RTN1: variants seen among roughly 807,000 people sequenced by gnomAD.
The protein encoded by RTN1 is reticulon 1.
A neutral mutation model predicts 65.5 loss-of-function variants in RTN1; 25 were observed. The ratio of observed to expected loss-of-function variants is 0.38; its 90% confidence interval spans 0.28 to 0.53. The LOEUF (loss-of-function observed/expected upper bound fraction) is 0.53, where lower values mean the gene tolerates loss of function less well. Among genes scored for constraint, RTN1 ranks in the 20% least tolerant of loss-of-function variants. The pLI, the probability that RTN1 is intolerant of heterozygous loss-of-function variation, is 0.79. For missense variants in RTN1, 983 were observed against 1,025.4 expected (o/e 0.96, Z 0.57); for synonymous variants, 471 against 447.6 (o/e 1.05, Z -0.66).
chr14:59,832,952 C>T (rs1449254344), intron 1 of RTN1, among the ~76,000 whole-genome samples: 1 of 152,098 alleles, frequency 6.6e-6, no homozygotes, highest in Non-Finnish European at 1.5e-5. Flanking sequence ...CTGTTTCCTC[C>T]TTGTGGAGTC....
intron 3 of RTN1, among the ~76,000 whole-genome samples, chr14:59,718,987 T>C (rs1884594743): frequency 6.6e-6 from 1 of 152,220 alleles, no homozygotes; most frequent in Non-Finnish European, 1.5e-5. Flanking sequence ...GCCATTGCCA[T>C]CTCATGCCTG....
intron 3 of RTN1, among the ~76,000 whole-genome samples, chr14:59,608,038 C>T (rs912462512): frequency 7.9e-5 from 12 of 150,998 alleles, no homozygotes; most frequent in Non-Finnish European, 1.6e-4. Context: ...TTGCATCCAC[C>T]ATTCAGTTAT....
In RTN1 at chr14:59,749,701, ATATATATCTATATATT is replaced by A. The variant is rs1478491442; in HGVS notation, c.242-3236_242-3221del. Among the ~76,000 whole-genome samples the A allele has an allele frequency of 2.6e-4, 24 of 91,192 alleles. 3 individuals are homozygous for A. Among genetic ancestry groups the A allele is most frequent in the East Asian group, 1.1e-3 (4 of 3,694 alleles). The allele number at this position is 91,192 out of a possible 152,430, so 59.8% of individuals were successfully genotyped here. ...TATCTATATATTTACATATATATCT[ATATATATCTATATATT>A]TATATATCTATATATTTATATATAT... On this transcript the variant is annotated intron_variant, in intron 1 of 8. Transcript: ENST00000267484.
At chr14:59,687,872 T>C (rs1229713877) in intron 3 of RTN1, among the ~76,000 whole-genome samples, 1 of 151,936 alleles carries the variant, frequency 6.6e-6, no homozygotes, top group African/African-American at 2.4e-5. Context: ...TGCAGAGATC[T>C]TGGTGAAGGG....
At chr14:59,780,061 T>C (rs1321899491) in intron 1 of RTN1, among the ~76,000 whole-genome samples, 1 of 152,152 alleles carries the variant, frequency 6.6e-6, no homozygotes, top group Non-Finnish European at 1.5e-5. Context: ...CTGGCCTTGA[T>C]CCCTCATTTA....
chr14:59,749,262 ATATC>A (rs1250254938), intron 1 of RTN1, among the ~76,000 whole-genome samples: 1 of 80,508 alleles, frequency 1.2e-5, no homozygotes, highest in African/African-American at 8.5e-5. Context: ...ATATCTATAT[ATATC>A]TATATATATA....
rs554504569 is a variant in RTN1 at position 59,721,915 on chromosome 14, A to G, written c.1765+5004T>C. Among the ~76,000 whole-genome samples the G allele has an allele frequency of 5.5e-4, 83 of 152,208 alleles. 1 individual carries two copies. The highest frequency in any genetic ancestry group is 3.7e-3 in the Admixed American group (57 of 15,272). ...TTCTAAATGATTTTGTTGCTCTCCAATGGATGGATGGATGAAAATTCATTT... is the reference window on the plus strand; with the variant it reads ...TTCTAAATGATTTTGTTGCTCTCCAGTGGATGGATGGATGAAAATTCATTT... On this transcript the variant is annotated intron_variant, in intron 3 of 8. Transcript: ENST00000267484.
intron 3 of RTN1, among the ~76,000 whole-genome samples, chr14:59,657,646 G>C (rs1418136353): frequency 6.6e-6 from 1 of 152,142 alleles, no homozygotes; most frequent in African/African-American, 2.4e-5. Flanking sequence ...AAGGGGTCAG[G>C]GAACTCCCTC....
intron 1 of RTN1, among the ~76,000 whole-genome samples, chr14:59,787,900 C>A (rs955406676): frequency 2.0e-5 from 3 of 152,148 alleles, no homozygotes; most frequent in South Asian, 2.1e-4. Flanking sequence ...CATACATTAG[C>A]CTAAATCGAT....
intron 3 of RTN1, among the ~76,000 whole-genome samples, chr14:59,716,404 A>G (rs937967559): frequency 6.6e-6 from 1 of 152,236 alleles, no homozygotes; most frequent in African/African-American, 2.4e-5. Flanking sequence ...CAGTTCATAA[A>G]TTCTACATGG....
chr14:59,831,382 T>G (rs1887122094), intron 1 of RTN1, among the ~76,000 whole-genome samples: 1 of 152,206 alleles, frequency 6.6e-6, no homozygotes, highest in Admixed American at 6.5e-5. Context: ...TTCTTTTGCC[T>G]AACTGCCTTT....
intron 3 of RTN1, among the ~76,000 whole-genome samples, chr14:59,696,488 T>C (rs994932336): frequency 6.6e-6 from 1 of 152,130 alleles, no homozygotes; most frequent in Non-Finnish European, 1.5e-5. Context: ...TTTTTCATTT[T>C]TTAAAGGAGA....
At chr14:59,810,092 CT>C (rs1225730106) in intron 1 of RTN1, among the ~76,000 whole-genome samples, 1 of 152,120 alleles carries the variant, frequency 6.6e-6, no homozygotes. Flanking sequence ...TTCCATATAT[CT>C]TATGGAAAGG....
chr14:59,688,482 A>G (rs1451979104), intron 3 of RTN1, among the ~76,000 whole-genome samples: 1 of 151,980 alleles, frequency 6.6e-6, no homozygotes, highest in African/African-American at 2.4e-5. Context: ...CACCTGTCCC[A>G]CCCCTTCCAG....
rs1885206839 is a variant in RTN1, at chr14:59,745,855, G to A, written c.868C>T (p.Pro290Ser). The A allele has an allele frequency of 1.9e-6, 3 of 1,614,084 alleles. No individual in the cohort carries two copies. The highest frequency in any genetic ancestry group is 2.5e-6 in the Non-Finnish European group (3 of 1,180,012). ...TCTTGGGTAGTGGTTTCAACAGAAG[G>A]TTCTATTTCCGTCAGTGTGATTTTG... is the stretch of plus-strand genomic sequence containing the variant. ...PVKITLTEIE[P>S]SVETTTQEKT... The change falls in exon 2 of 9, where the codon CCT becomes TCT. Residue 290 changes from proline to serine, a missense_variant. Physicochemically the swap from Pro to Ser is moderately conservative, Grantham distance 74. This residue lies in a region of RTN1 where 818 missense variants were observed against 801.8 expected (regional missense o/e 1.02). Coordinates refer to ENST00000267484, the MANE Select transcript of RTN1 (RefSeq NM_021136.3).
chr14:59,669,553 T>C (rs1023261712), intron 3 of RTN1, among the ~76,000 whole-genome samples: 2 of 152,118 alleles, frequency 1.3e-5, no homozygotes, highest in Admixed American at 1.3e-4. Flanking sequence ...CATGTATACC[T>C]ATGTATCAAA....
intron 3 of RTN1, among the ~76,000 whole-genome samples, chr14:59,717,852 C>G (rs1884569142): frequency 6.6e-6 from 1 of 152,184 alleles, no homozygotes; most frequent in African/African-American, 2.4e-5. Flanking sequence ...AAAGATTACT[C>G]TGAGGACGTT....
chr14:59,702,660 C>T (rs1884204581), intron 3 of RTN1, among the ~76,000 whole-genome samples: 1 of 152,202 alleles, frequency 6.6e-6, no homozygotes, highest in African/African-American at 2.4e-5. Flanking sequence ...CTACTACAAC[C>T]CTGTTCCACC....
At chr14:59,820,060 C>T (rs967295128) in intron 1 of RTN1, among the ~76,000 whole-genome samples, 7 of 152,176 alleles carry the variant, frequency 4.6e-5, no homozygotes, top group African/African-American at 7.2e-5. Context: ...GAGGAGGCGC[C>T]GAGAGCGAGT....
Sources: allele counts gnomAD v4.1 joint callset (sites outside exome capture counted in the v4.1 genomes callset), GRCh38; gene constraint gnomAD v4.1.1; regional missense constraint gnomAD v4.1.1; transcripts MANE v1.5; gene names NCBI Gene and HGNC (gene_info 2026-07-23, HGNC 2026-07-21).